AP2A2: variants seen among roughly 807,000 people sequenced by gnomAD.
AP2A2 encodes AP-2 complex subunit alpha-2.
AP2A2 carries 32 observed loss-of-function variants against 104.2 expected under a neutral mutation model. That is an observed-to-expected ratio of 0.31 (90% confidence interval 0.23 to 0.41). AP2A2 has a LOEUF of 0.41. Ranked by LOEUF, AP2A2 falls within the 10% of genes least tolerant of loss-of-function variation. The pLI is 1.00. For missense variants in AP2A2, 912 were observed against 1,261.0 expected (o/e 0.72, Z 4.19); for synonymous variants, 539 against 533.3 (o/e 1.01, Z -0.15).
At position 968,433 on chromosome 11, in the gene AP2A2, C is replaced by A. The variant is rs28693567; in HGVS notation, c.137-1736C>A. ...GCCTGTCTCCGTCTCCGCCCCTGTT[C>A]CCATCCCCGTCTCCATCCCCGTCCC... On this transcript the variant is annotated intron_variant, in intron 2 of 21. Transcript: ENST00000448903. This position sits in a 1 kb window ranked among gnomAD's most constrained non-coding sequence, Gnocchi z 4.2. 2.6e-5 allele frequency among the ~76,000 whole-genome samples: 3 copies of A among 114,104 alleles called. No homozygotes were observed. The highest frequency in any genetic ancestry group is 6.3e-5 in the Non-Finnish European group (3 of 47,716). The allele number at this position is 114,104 out of a possible 152,430, so 74.9% of individuals were successfully genotyped here. A position where few individuals can be genotyped will look rare whatever the true frequency, so the allele number is the denominator to read the frequency against.
At position 954,576 on chromosome 11, in the gene AP2A2, A is replaced by G. The variant is rs149362072; in HGVS notation, c.68-4861A>G. Among the ~76,000 whole-genome samples, 4 of 151,620 alleles carry G rather than the reference A, an allele frequency of 2.6e-5. No homozygotes were observed. In the East Asian group the frequency reaches 7.8e-4, roughly 29 times the overall value. ...TGTGTTTGTAAATGTGTGTATATGT[A>G]TATTTGTGTGTGGCGTGTACATTTG... On this transcript the variant is annotated intron_variant, in intron 1 of 21. Transcript: ENST00000448903.
At chr11:994,379 C>G (rs538834769) in intron 14 of AP2A2, 134 bp downstream of exon 14, 7 of 1,146,468 alleles carry the variant, frequency 6.1e-6, no homozygotes, top group Non-Finnish European at 8.5e-6. Flanking sequence ...CTGGACACCC[C>G]GCTGTCCTGT....
chr11:970,706 G>A (rs1185222372), intron 3 of AP2A2, among the ~76,000 whole-genome samples: 3 of 152,260 alleles, frequency 2.0e-5, no homozygotes, highest in African/African-American at 4.8e-5. Context: ...GTGCCCATGA[G>A]GTCGGCCTCC....
At chr11:931,767 G>A (rs1564777551) in intron 1 of AP2A2, among the ~76,000 whole-genome samples, 1 of 150,736 alleles carries the variant, frequency 6.6e-6, no homozygotes, top group Non-Finnish European at 1.5e-5. Context: ...TCTGCTCATT[G>A]TGGTTGGCAT....
intron 9 of AP2A2, 29 bp from the exon 10 acceptor site, chr11:988,523 G>A (rs998750713): frequency 5.6e-6 from 9 of 1,601,294 alleles, no homozygotes; most frequent in African/African-American, 2.7e-5. Flanking sequence ...TTGCTCCTGC[G>A]ACCTCTTACT....
intron 3 of AP2A2, among the ~76,000 whole-genome samples, chr11:970,884 C>T (rs1033371118): frequency 2.0e-5 from 3 of 152,226 alleles, no homozygotes; most frequent in Admixed American, 1.3e-4. Flanking sequence ...CAGCCCTTGC[C>T]GGGCTGGTGC....
intron 17 of AP2A2, chr11:1,007,436 C>G (rs145942157): frequency 6.4e-6 from 1 of 156,216 alleles, no homozygotes; most frequent in Admixed American, 6.1e-5. Flanking sequence ...CCACTTGGCT[C>G]GAGGCGGCAG....
chr11:938,501 GTC>G (rs1237371545), intron 1 of AP2A2, among the ~76,000 whole-genome samples: 1 of 148,116 alleles, frequency 6.8e-6, no homozygotes, highest in Non-Finnish European at 1.5e-5. Flanking sequence ...TTGAGACAGA[GTC>G]TCACTCTGTC....
chr11:1,010,713 G>T lies in AP2A2; in HGVS notation c.*88G>T. ...CGTGGCCATCCTGCAGATGAGCACC[G>T]TGTCCAGTGCCACAGCACAAGGCGC... is the stretch of plus-strand genomic sequence containing the variant. On this transcript the variant is annotated 3_prime_UTR_variant, in exon 22 of 22. Coordinates refer to ENST00000448903, the MANE Select transcript of AP2A2 (RefSeq NM_012305.4). The T allele has an allele frequency of 1.8e-6, 2 of 1,109,446 alleles. No individual in the cohort carries two copies. The highest frequency in any genetic ancestry group is 2.7e-5 in the South Asian group (2 of 75,314). 68.7% of individuals were successfully genotyped at this position (1,109,446 alleles called of 1,614,324 possible).
At chr11:926,740 G>T (rs751473733) in intron 1 of AP2A2, among the ~76,000 whole-genome samples, 1 of 152,182 alleles carries the variant, frequency 6.6e-6, no homozygotes, top group Non-Finnish European at 1.5e-5. Context: ...ATCTGGACAC[G>T]AGCAGCAGTC....
In AP2A2 at chr11:987,636, C is replaced by T. The variant is rs1361862891; in HGVS notation, c.1131+683C>T. On this transcript the variant is annotated intron_variant, in intron 9 of 21. Transcript: ENST00000448903. ...CGCCACTGCACTCCAGCGTGGGCGA[C>T]AGAGCGAGACTCCGTCTCAAAAAAA... Among the ~76,000 whole-genome samples, 6 of 150,858 alleles carry T rather than the reference C, an allele frequency of 4.0e-5. No homozygotes were observed. The East Asian group carries it at 1.2e-3, about 29-fold the overall frequency.
intron 2 of AP2A2, among the ~76,000 whole-genome samples, chr11:962,220 C>T (rs1034412332): frequency 2.6e-5 from 4 of 152,226 alleles, no homozygotes; most frequent in Admixed American, 6.5e-5. Context: ...ATGGGATCTG[C>T]GTCTGCTGTG....
Position 1,011,087 on chromosome 11 carries a change from T to C in AP2A2, c.*462T>C. 1 of 603,152 alleles carries C rather than the reference T, an allele frequency of 1.7e-6. No homozygotes were observed. The highest frequency in any genetic ancestry group is 3.2e-6 in the Non-Finnish European group (1 of 315,368). 37.4% of individuals were successfully genotyped at this position (603,152 alleles called of 1,614,324 possible). On this transcript the variant is annotated 3_prime_UTR_variant, in exon 22 of 22. Coordinates refer to ENST00000448903, the MANE Select transcript of AP2A2 (RefSeq NM_012305.4). ...GCACACCTGGCGTCGTCCTGGGCCC[T>C]TGGGAGGAGCACAGCTGACCCTGGT...
chr11:949,901 G>GA (rs1347536768), intron 1 of AP2A2, among the ~76,000 whole-genome samples: 1 of 152,054 alleles, frequency 6.6e-6, no homozygotes, highest in African/African-American at 2.4e-5. Flanking sequence ...CATAAAGGAT[G>GA]AAAAAATGCC....
chr11:991,838 G>A (rs1855666808), intron 10 of AP2A2, among the ~76,000 whole-genome samples: 1 of 152,160 alleles, frequency 6.6e-6, no homozygotes, highest in Non-Finnish European at 1.5e-5. Flanking sequence ...GCCTGCTGGC[G>A]TTGGTGTTGG....
chr11:982,681 G>A (rs1419734665), intron 6 of AP2A2, among the ~76,000 whole-genome samples: 1 of 149,762 alleles, frequency 6.7e-6, no homozygotes, highest in East Asian at 2.0e-4. Flanking sequence ...ATAGGGTCTC[G>A]CTCTTGGTGC....
intron 5 of AP2A2, among the ~76,000 whole-genome samples, chr11:979,337 T>C (rs770451934): frequency 2.0e-5 from 3 of 151,516 alleles, no homozygotes; most frequent in Non-Finnish European, 4.4e-5. Context: ...TTACAAGTTC[T>C]TTATTGGACA....
At chr11:985,903 G>A (rs779471127) in intron 8 of AP2A2, among the ~76,000 whole-genome samples, 17 of 152,228 alleles carry the variant, frequency 1.1e-4, no homozygotes, top group Non-Finnish European at 2.1e-4. Context: ...GGGGGTGTGC[G>A]CGCATGTCCC....
intron 1 of AP2A2, among the ~76,000 whole-genome samples, chr11:934,578 C>T (rs1335702362): frequency 1.3e-5 from 2 of 152,208 alleles, no homozygotes; most frequent in Non-Finnish European, 2.9e-5. Context: ...CCACCCTAAG[C>T]TTTGGTGTCT....
Sources: allele counts gnomAD v4.1 joint callset (sites outside exome capture counted in the v4.1 genomes callset), GRCh38; gene constraint gnomAD v4.1.1; non-coding constraint Gnocchi (gnomAD v3.1); transcripts MANE v1.5; gene names NCBI Gene and HGNC (gene_info 2026-07-23, HGNC 2026-07-21).